AGBL1: variants seen among roughly 807,000 people sequenced by gnomAD.
AGBL1 encodes cytosolic carboxypeptidase 4.
A neutral mutation model predicts 118.9 loss-of-function variants in AGBL1; 130 were observed. That is an observed-to-expected ratio of 1.09 (90% CI 0.95 to 1.26). The LOEUF (loss-of-function observed/expected upper bound fraction) is 1.26. Ranked by LOEUF, AGBL1 falls within the 50% of genes most tolerant of loss-of-function variation. The pLI, the probability that AGBL1 is intolerant of heterozygous loss-of-function variation, is 0.00. For synonymous variants in AGBL1, 555 were observed against 478.9 expected, an observed-to-expected ratio of 1.16 and a Z score of -2.08; for missense variants, 1,584 against 1,298.1, an observed-to-expected ratio of 1.22 and a Z score of -3.38.
intron 17 of AGBL1, among the ~76,000 whole-genome samples, chr15:86,348,272 T>G (rs1313551289): frequency 6.6e-6 from 1 of 151,534 alleles, no homozygotes; most frequent in Non-Finnish European, 1.5e-5. Context: ...GAAAGAAAAA[T>G]GAAAGGGAGA....
intron 22 of AGBL1, among the ~76,000 whole-genome samples, chr15:86,769,929 G>A (rs1424724762): frequency 6.6e-6 from 1 of 151,878 alleles, no homozygotes; most frequent in Non-Finnish European, 1.5e-5. Flanking sequence ...GCATATCCCA[G>A]AACAAAGGAC....
At chr15:87,030,455 G>T (rs776979091), downstream of AGBL1, among the ~76,000 whole-genome samples, 5 of 151,910 alleles carry the variant, frequency 3.3e-5, no homozygotes, top group Non-Finnish European at 5.9e-5. Flanking sequence ...TATTATTCTA[G>T]TCTCTCATTC....
At chr15:86,314,281 C>T (rs574958498) in intron 17 of AGBL1, among the ~76,000 whole-genome samples, 2 of 152,304 alleles carry the variant, frequency 1.3e-5, no homozygotes, top group Admixed American at 1.3e-4. Flanking sequence ...CCAGGATAGC[C>T]TGTTGCATGC....
At chr15:86,234,819 T>G (rs997518760) in intron 6 of AGBL1, among the ~76,000 whole-genome samples, 1 of 152,218 alleles carries the variant, frequency 6.6e-6, no homozygotes, top group African/African-American at 2.4e-5. Context: ...AGATGAACTC[T>G]TGTTTTATTG....
intron 21 of AGBL1, among the ~76,000 whole-genome samples, chr15:86,593,296 A>T (rs902202958): frequency 4.1e-5 from 6 of 145,804 alleles, no homozygotes; most frequent in Non-Finnish European, 7.5e-5. Context: ...GGAACCTTAG[A>T]TTTTTTTTTT....
At chr15:86,674,462 A>G in intron 22 of AGBL1, 26 bp downstream of exon 22, 1 of 1,587,540 alleles carries the variant, frequency 6.3e-7, no homozygotes, top group Non-Finnish European at 8.6e-7. Flanking sequence ...GGGCTCAGAG[A>G]AATTTGGACC....
rs538897420 is a variant in AGBL1, at chr15:86,255,501, G to C, written c.736-1352G>C. Among the ~76,000 whole-genome samples, 96 of 152,308 alleles carry C rather than the reference G, an allele frequency of 6.3e-4. 1 individual carries two copies. The South Asian group carries it at 0.019, about 30-fold the overall frequency. On this transcript the variant is annotated intron_variant, in intron 7 of 22. Coordinates refer to ENST00000614907, the MANE Select transcript of AGBL1 (RefSeq NM_001386094.1). ...CATTTTGAAAGCTGGCTTACTTAAG[G>C]CTGGGCGTGGTAGCTCATGCCTGTA... is the stretch of plus-strand genomic sequence containing the variant.
chr15:86,509,841 AAAC>A (rs1156590013), intron 18 of AGBL1, among the ~76,000 whole-genome samples: 1 of 151,882 alleles, frequency 6.6e-6, no homozygotes, highest in Non-Finnish European at 1.5e-5. Context: ...TCTGCTTTAA[AAAC>A]AACAACAGCA....
At chr15:86,140,060 G>T (rs74698164) in intron 1 of AGBL1, 2,506 of 189,924 alleles carry the variant, frequency 0.013, 36 homozygotes, top group East Asian at 0.062. Flanking sequence ...AGCGCCCCTG[G>T]TGGTCAGGTC....
In AGBL1 at chr15:86,261,454, G is replaced by T. The variant is rs73449562; in HGVS notation, c.970-1324G>T. ...ATGGGAATTACTTTTCTTTTAATTT[G>T]AAGTTTGGAGAAAAATTGTGAAACA... On this transcript the variant is annotated intron_variant, in intron 9 of 22. Transcript: ENST00000614907. Among the ~76,000 whole-genome samples the T allele has an allele frequency of 6.1e-3, 929 of 152,278 alleles. 7 individuals are homozygous for T. The highest frequency in any genetic ancestry group is 0.021 in the African/African-American group (889 of 41,544).
At chr15:86,774,323 G>A (rs1367574905) in intron 22 of AGBL1, among the ~76,000 whole-genome samples, 5 of 152,014 alleles carry the variant, frequency 3.3e-5, no homozygotes, top group African/African-American at 9.7e-5. Flanking sequence ...TTACAATAGT[G>A]GATGATTTCA....
intron 17 of AGBL1, among the ~76,000 whole-genome samples, chr15:86,345,252 A>G (rs1288973965): frequency 1.3e-5 from 2 of 151,982 alleles, no homozygotes; most frequent in Non-Finnish European, 2.9e-5. Context: ...AGCTATAACT[A>G]TTATTCAAAT....
At chr15:86,739,695 A>G (rs1389416651) in intron 22 of AGBL1, among the ~76,000 whole-genome samples, 1 of 152,132 alleles carries the variant, frequency 6.6e-6, no homozygotes, top group Non-Finnish European at 1.5e-5. Context: ...TGGAAAGTAC[A>G]GGAAATGGCA....
At chr15:86,100,312 GGTTTTA>G (rs1896635790) in intron 1 of AGBL1, among the ~76,000 whole-genome samples, 1 of 152,084 alleles carries the variant, frequency 6.6e-6, no homozygotes, top group Non-Finnish European at 1.5e-5. Context: ...GTCTTTGTCA[GGTTTTA>G]GTATCAGGGT....
intron 13 of AGBL1, 39 bp from the exon 14 acceptor site, chr15:86,269,880 C>A: frequency 6.2e-7 from 1 of 1,603,382 alleles, no homozygotes; most frequent in Non-Finnish European, 8.5e-7. Flanking sequence ...ACCTGAAAGA[C>A]TTTCCAGATA....
At chr15:86,202,201 G>C (rs1040646456) in intron 5 of AGBL1, among the ~76,000 whole-genome samples, 2 of 152,186 alleles carry the variant, frequency 1.3e-5, no homozygotes, top group Admixed American at 6.5e-5. Flanking sequence ...GCTGAGGCAG[G>C]AGAATCCCTT....
intron 23 of AGBL1, among the ~76,000 whole-genome samples, chr15:86,966,273 C>T (rs571113928): frequency 1.4e-5 from 2 of 146,104 alleles, no homozygotes; most frequent in Admixed American, 1.4e-4. Context: ...TGGGATTGAA[C>T]CATTTCTTTT....
chr15:86,830,543 G>C (rs1371484949), intron 22 of AGBL1, among the ~76,000 whole-genome samples: 1 of 152,024 alleles, frequency 6.6e-6, no homozygotes, highest in East Asian at 1.9e-4. Flanking sequence ...ATGACCATGT[G>C]GTCATGGTGG....
chr15:86,459,015 A>G (rs1430799771), intron 18 of AGBL1, among the ~76,000 whole-genome samples: 2 of 152,176 alleles, frequency 1.3e-5, no homozygotes, highest in Non-Finnish European at 2.9e-5. Flanking sequence ...AATCTCATAC[A>G]TATCCTCGAA....
Sources: gnomAD v4.1 joint callset for allele counts (sites outside exome capture counted in the v4.1 genomes callset) on GRCh38, gnomAD v4.1.1 for gene constraint, MANE v1.5 for transcripts, NCBI Gene and HGNC (gene_info 2026-07-23, HGNC 2026-07-21) for gene names.